The following SOX5 variants were observed in gnomAD, a reference collection of about 807,000 sequenced individuals.
SOX5 encodes SRY-box transcription factor 5.
Under a neutral mutation model 92.0 loss-of-function variants are expected in SOX5, and 9 were observed. The observed-to-expected ratio is 0.10, with a 90% confidence interval of 0.06 to 0.17. The LOEUF (loss-of-function observed/expected upper bound fraction) is 0.17, where lower values mean the gene tolerates loss of function less well. Among genes scored for constraint, SOX5 ranks in the 10% least tolerant of loss-of-function variants. The probability of loss-of-function intolerance (pLI) is 1.00; values close to 1 mark genes in which losing one functional copy is unlikely to be tolerated. For missense variants in SOX5, 642 were observed against 944.5 expected (o/e 0.68, Z 4.20); for synonymous variants, 344 against 336.3 (o/e 1.02, Z -0.25).
At chr12:23,568,880 T>C (rs927273559) in intron 10 of SOX5, among the ~76,000 whole-genome samples, 2 of 116,100 alleles carry the variant, frequency 1.7e-5, no homozygotes, top group Non-Finnish European at 3.7e-5. Context: ...ATAAAGCATT[T>C]AAGAATATCT....
At chr12:23,832,358 AG>A in intron 3 of SOX5, among the ~76,000 whole-genome samples, 1 of 152,134 alleles carries the variant, frequency 6.6e-6, no homozygotes, top group African/African-American at 2.4e-5. Context: ...ATGACTGTTG[AG>A]TTCATTATTG....
At chr12:24,141,822 A>G (rs12227121) in intron 4 of SOX5, among the ~76,000 whole-genome samples, 44,058 of 152,112 alleles carry the variant, frequency 0.29, 7,247 homozygotes, top group Non-Finnish European at 0.38. Context: ...ACCAAAGGCA[A>G]GTTGGCATAG....
intron 1 of SOX5, among the ~76,000 whole-genome samples, chr12:24,419,573 A>G (rs1330182025): frequency 6.6e-6 from 1 of 152,156 alleles, no homozygotes; most frequent in Non-Finnish European, 1.5e-5. Context: ...ACCAGTCATC[A>G]TTTTGGGGTG....
At chr12:23,585,257 T>C (rs894012904) in intron 9 of SOX5, among the ~76,000 whole-genome samples, 1 of 152,186 alleles carries the variant, frequency 6.6e-6, no homozygotes, top group Non-Finnish European at 1.5e-5. Flanking sequence ...TGAATTTCAG[T>C]TCTTCTCAGT....
At chr12:23,633,811 C>T (rs958670434) in intron 8 of SOX5, among the ~76,000 whole-genome samples, 1 of 152,130 alleles carries the variant, frequency 6.6e-6, no homozygotes, top group Non-Finnish European at 1.5e-5. Context: ...TGTCTATACA[C>T]ACACTATCAC....
At chr12:24,008,653 T>C (rs539094269) in intron 4 of SOX5, among the ~76,000 whole-genome samples, 88 of 152,268 alleles carry the variant, frequency 5.8e-4, no homozygotes, top group African/African-American at 2.1e-3. Flanking sequence ...AATATATCAT[T>C]TTCAGTATTA....
At chr12:23,559,689 G>C (rs924476638) in intron 11 of SOX5, among the ~76,000 whole-genome samples, 1 of 152,152 alleles carries the variant, frequency 6.6e-6, no homozygotes, top group Non-Finnish European at 1.5e-5. Context: ...ATGAAGAAAA[G>C]TTAATGTGTA....
chr12:24,365,308 G>A (rs1479822927), intron 2 of SOX5, among the ~76,000 whole-genome samples: 1 of 152,098 alleles, frequency 6.6e-6, no homozygotes, highest in Non-Finnish European at 1.5e-5. Flanking sequence ...ACTCCAGGCT[G>A]ACTCCTTCTT....
At chr12:23,945,421 C>T (rs1944413294) in intron 1 of SOX5, among the ~76,000 whole-genome samples, 1 of 152,082 alleles carries the variant, frequency 6.6e-6, no homozygotes, top group Non-Finnish European at 1.5e-5. Flanking sequence ...CTGAGCAGTA[C>T]ACAATGTCAC....
intron 1 of SOX5, among the ~76,000 whole-genome samples, chr12:23,914,385 A>G (rs1285973728): frequency 2.0e-5 from 3 of 152,302 alleles, no homozygotes; most frequent in Admixed American, 2.0e-4. Flanking sequence ...GCCATGCAAC[A>G]TAGGCTTAAT....
chr12:24,556,970 C>G (rs1043120721), intron 1 of SOX5, among the ~76,000 whole-genome samples: 2 of 152,160 alleles, frequency 1.3e-5, no homozygotes, highest in Non-Finnish European at 2.9e-5. Flanking sequence ...GGAGAGAGAG[C>G]TGAGTGTAGC....
intron 1 of SOX5, among the ~76,000 whole-genome samples, chr12:24,467,332 G>C (rs900531696): frequency 6.6e-6 from 1 of 152,214 alleles, no homozygotes; most frequent in African/African-American, 2.4e-5. Context: ...ATGAGAAAGA[G>C]AGACAGAAAC....
At chr12:23,855,756 A>C (rs2096680568) in intron 2 of SOX5, among the ~76,000 whole-genome samples, 1 of 152,126 alleles carries the variant, frequency 6.6e-6, no homozygotes, top group Non-Finnish European at 1.5e-5. Context: ...CAGCACCTTG[A>C]AACACATTCT....
At chr12:24,012,424 C>G (rs941400567) in intron 4 of SOX5, among the ~76,000 whole-genome samples, 2 of 152,080 alleles carry the variant, frequency 1.3e-5, no homozygotes, top group African/African-American at 4.8e-5. Context: ...CTACTGTCTA[C>G]AATTTTCAAT....
chr12:24,332,982 G>T (rs910453184), intron 2 of SOX5, among the ~76,000 whole-genome samples: 7 of 152,016 alleles, frequency 4.6e-5, no homozygotes, highest in African/African-American at 1.7e-4. Context: ...AATTATCTAT[G>T]ATTGGTTTAC....
At chr12:23,873,037 C>T (rs2096891553) in intron 2 of SOX5, among the ~76,000 whole-genome samples, 1 of 152,166 alleles carries the variant, frequency 6.6e-6, no homozygotes. Context: ...ACTTTAATAC[C>T]TTACTTTCCT....
intron 4 of SOX5, among the ~76,000 whole-genome samples, chr12:24,128,175 G>A (rs1332851414): frequency 3.3e-5 from 5 of 152,014 alleles, no homozygotes; most frequent in Non-Finnish European, 5.9e-5. Flanking sequence ...GCTGTTATTT[G>A]TATTATTATC....
At chr12:24,346,401 A>G (rs1953247431) in intron 2 of SOX5, among the ~76,000 whole-genome samples, 1 of 152,108 alleles carries the variant, frequency 6.6e-6, no homozygotes, top group Non-Finnish European at 1.5e-5. Flanking sequence ...TTCACAGTCT[A>G]TTCAAATGGA....
chr12:23,785,460 A>C (rs12811253), intron 3 of SOX5, among the ~76,000 whole-genome samples: 25,482 of 152,186 alleles, frequency 0.17, 2,375 homozygotes, highest in African/African-American at 0.23. Flanking sequence ...TAAATAAAAA[A>C]ATTTTAATGA....
Sources: gnomAD v4.1 joint callset for allele counts (sites outside exome capture counted in the v4.1 genomes callset) on GRCh38, gnomAD v4.1.1 for gene constraint, MANE v1.5 for transcripts, NCBI Gene and HGNC (gene_info 2026-07-23, HGNC 2026-07-21) for gene names.